The following PDE10A variants were observed in gnomAD, a reference collection of about 807,000 sequenced individuals.
PDE10A encodes cAMP and cAMP-inhibited cGMP 3',5'-cyclic phosphodiesterase 10A.
A neutral mutation model predicts 97.7 loss-of-function variants in PDE10A; 39 were observed. The ratio of observed to expected loss-of-function variants is 0.40; its 90% CI spans 0.31 to 0.52. PDE10A has a LOEUF of 0.52. PDE10A is among the 20% of genes least tolerant of loss of function. The pLI is 0.56. For missense variants in PDE10A, 731 were observed against 1,047.8 expected (o/e 0.70, Z 4.17); for synonymous variants, 371 against 376.8 (o/e 0.98, Z 0.18).
rs1312702812 is a variant in PDE10A at position 165,619,123 on chromosome 6, C to CGTGT, written c.865+42823_865+42824insACAC. ...TGTAGTCTAGTGTAGTGTAGTCTAGCATAGTCTAGTGTAGTGTAGTCTAGT... is the reference window on the plus strand; with the variant it reads ...TGTAGTCTAGTGTAGTGTAGTCTAGCGTGTATAGTCTAGTGTAGTGTAGTCTAGT... On this transcript the variant is annotated intron_variant, in intron 1 of 21. Transcript: ENST00000539869. Among the ~76,000 whole-genome samples the CGTGT allele has an allele frequency of 1.2e-3, 26 of 22,264 alleles. 5 individuals are homozygous for CGTGT. Among genetic ancestry groups the CGTGT allele is most frequent in the African/African-American group, 1.7e-3 (7 of 4,202 alleles). 14.6% of individuals were successfully genotyped at this position (22,264 alleles called of 152,430 possible). A position where few individuals can be genotyped will look rare whatever the true frequency, so the allele number is the denominator to read the frequency against.
At chr6:165,603,037 A>G (rs1475467660) in intron 1 of PDE10A, among the ~76,000 whole-genome samples, 1 of 152,240 alleles carries the variant, frequency 6.6e-6, no homozygotes, top group East Asian at 1.9e-4. Context: ...AAGAGGGAAA[A>G]TAAGAAGTAA....
intron 1 of PDE10A, among the ~76,000 whole-genome samples, chr6:165,919,020 G>A (rs1782681242): frequency 6.6e-6 from 1 of 152,160 alleles, no homozygotes; most frequent in East Asian, 1.9e-4. Context: ...CATTGTCAGA[G>A]CATAGAAGCT....
At chr6:165,734,993 GT>G (rs1792531981) in intron 1 of PDE10A, among the ~76,000 whole-genome samples, 1 of 145,856 alleles carries the variant, frequency 6.9e-6, no homozygotes, top group African/African-American at 2.8e-5. Flanking sequence ...TAGATAGATA[GT>G]AGGTAGGTAG....
In PDE10A at chr6:165,382,990, C is replaced by A. The variant is rs553515487; in HGVS notation, c.2611-3624G>T. Among the ~76,000 whole-genome samples the A allele has an allele frequency of 2.6e-4, 39 of 152,168 alleles. No homozygotes were observed. In the South Asian group the frequency reaches 5.6e-3, roughly 22 times the overall value. On this transcript the variant is annotated intron_variant, in intron 17 of 21. Coordinates refer to ENST00000539869, the MANE Select transcript of PDE10A (RefSeq NM_001385079.1). Reference sequence around the variant, plus strand: ...TTGCTATAATTGTAATATACAACAGCAAATTGTATCTAGTGCAGACGAATT... The same window carrying A: ...TTGCTATAATTGTAATATACAACAGAAAATTGTATCTAGTGCAGACGAATT...
intron 1 of PDE10A, among the ~76,000 whole-genome samples, chr6:165,864,133 G>A (rs1293345859): frequency 6.6e-6 from 1 of 151,932 alleles, no homozygotes; most frequent in Non-Finnish European, 1.5e-5. Flanking sequence ...ATGCTTCGCT[G>A]TTCTGGCCCA....
intron 3 of PDE10A, among the ~76,000 whole-genome samples, chr6:165,464,871 A>G (rs1325321561): frequency 2.0e-5 from 3 of 152,210 alleles, no homozygotes; most frequent in South Asian, 4.1e-4. Flanking sequence ...ATTCCATTGT[A>G]TTAATGTACT....
At chr6:165,515,863 G>T (rs1182650594) in intron 2 of PDE10A, among the ~76,000 whole-genome samples, 1 of 151,866 alleles carries the variant, frequency 6.6e-6, no homozygotes, top group Admixed American at 6.6e-5. Flanking sequence ...CTTTAAAAGG[G>T]GGAGCTTAGT....
At chr6:165,806,657 C>CA (rs527242690) in intron 1 of PDE10A, among the ~76,000 whole-genome samples, 25 of 150,882 alleles carry the variant, frequency 1.7e-4, no homozygotes, top group Non-Finnish European at 2.7e-4. Flanking sequence ...GCGCCCCCCC[C>CA]CAGGCTCTTC....
Position 165,416,220 on chromosome 6 carries a change from G to GA in PDE10A, c.1857dup (p.Pro620SerfsTer10). The GA allele has an allele frequency of 6.2e-7, 1 of 1,612,734 alleles. No individual in the cohort carries two copies. The highest frequency in any genetic ancestry group is 8.5e-7 in the Non-Finnish European group (1 of 1,178,794). The stretch of plus-strand genomic sequence containing the variant: ...AAGCGTGGGTCTGCATAGGCATCTG[G>GA]AATGTTCAGGACTTCCCCTGTTCTT... On this transcript the variant is annotated frameshift_variant, in exon 12 of 22. Coordinates refer to ENST00000539869, the MANE Select transcript of PDE10A (RefSeq NM_001385079.1). LOFTEE classifies it high-confidence loss of function.
intron 1 of PDE10A, among the ~76,000 whole-genome samples, chr6:165,735,687 T>G (rs569877120): frequency 6.6e-6 from 1 of 152,256 alleles, no homozygotes; most frequent in African/African-American, 2.4e-5. Context: ...TTTTGTTCTG[T>G]TCAGGCCTTC....
At chr6:165,473,634 A>T (rs1779136929) in intron 3 of PDE10A, among the ~76,000 whole-genome samples, 1 of 152,202 alleles carries the variant, frequency 6.6e-6, no homozygotes, top group African/African-American at 2.4e-5. Flanking sequence ...AGAGAAAAAA[A>T]ATGTAGAACA....
At chr6:165,686,165 AC>A (rs1791110873) in intron 1 of PDE10A, among the ~76,000 whole-genome samples, 1 of 136,714 alleles carries the variant, frequency 7.3e-6, no homozygotes, top group Non-Finnish European at 1.6e-5. Flanking sequence ...ACACACACAC[AC>A]ACACACAGGC....
chr6:165,881,916 G>A (rs1361639039), intron 1 of PDE10A, among the ~76,000 whole-genome samples: 1 of 152,102 alleles, frequency 6.6e-6, no homozygotes, highest in Non-Finnish European at 1.5e-5. Context: ...GACATTATTT[G>A]TACCTTATGC....
At chr6:165,686,018 G>T (rs77429229) in intron 1 of PDE10A, among the ~76,000 whole-genome samples, 1 of 151,962 alleles carries the variant, frequency 6.6e-6, no homozygotes, top group Non-Finnish European at 1.5e-5. Flanking sequence ...GGAAAGAGAT[G>T]GCCACTCTTC....
chr6:165,822,705 G>A (rs1171141775), intron 1 of PDE10A, among the ~76,000 whole-genome samples: 2 of 152,152 alleles, frequency 1.3e-5, no homozygotes, highest in Non-Finnish European at 2.9e-5. Flanking sequence ...GGTGAGTGAG[G>A]GTGAAGGCCT....
At chr6:165,844,951 G>C (rs903318081) in intron 1 of PDE10A, among the ~76,000 whole-genome samples, 2 of 152,112 alleles carry the variant, frequency 1.3e-5, no homozygotes, top group African/African-American at 4.8e-5. Context: ...CACACTTTTT[G>C]ACAGACTGCT....
Position 165,336,230 on chromosome 6 carries a change from C to G in PDE10A, c.2977-19G>C. The G allele has an allele frequency of 1.3e-6, 2 of 1,585,884 alleles. No individual in the cohort carries two copies. Among genetic ancestry groups the G allele is most frequent in the East Asian group, 4.5e-5 (2 of 44,774 alleles). The stretch of plus-strand genomic sequence containing the variant: ...ACCCAAGCTGCCTCCATGCAAAAAC[C>G]ACGGACAAGAAACAAAAGTGCACAT... On this transcript the variant is annotated intron_variant, in intron 20 of 21. Coordinates refer to ENST00000539869, the MANE Select transcript of PDE10A (RefSeq NM_001385079.1).
chr6:165,665,440 T>C (rs1396173367), upstream of PDE10A, among the ~76,000 whole-genome samples: 1 of 152,196 alleles, frequency 6.6e-6, no homozygotes, highest in African/African-American at 2.4e-5. Context: ...ACTACACTTT[T>C]GTTACTCCAA....
At chr6:165,574,205 A>T (rs532165001) in intron 1 of PDE10A, among the ~76,000 whole-genome samples, 2 of 152,236 alleles carry the variant, frequency 1.3e-5, no homozygotes, top group South Asian at 4.2e-4. Flanking sequence ...ACTCCTACTT[A>T]TGCAAATAAA....
Sources: allele counts gnomAD v4.1 joint callset (sites outside exome capture counted in the v4.1 genomes callset), GRCh38; gene constraint gnomAD v4.1.1; transcripts MANE v1.5; gene names NCBI Gene and HGNC (gene_info 2026-07-23, HGNC 2026-07-21).